SIK2: variants seen among roughly 807,000 people sequenced by gnomAD.
SIK2 encodes the protein serine/threonine-protein kinase SIK2.
In SIK2, 29 loss-of-function variants were observed where a neutral mutation model predicts 103.2. The observed-to-expected ratio is 0.28, with a 90% confidence interval of 0.21 to 0.38. The LOEUF is 0.38. Among genes scored for constraint, SIK2 ranks in the 10% least tolerant of loss-of-function variants. The pLI is 1.00. For synonymous variants in SIK2, 412 were observed against 446.1 expected, an observed-to-expected ratio of 0.92 and a Z score of 0.96; for missense variants, 879 against 1,171.0, an observed-to-expected ratio of 0.75 and a Z score of 3.64.
At chr11:111,691,705 T>A (rs1194042157) in intron 4 of SIK2, among the ~76,000 whole-genome samples, 1 of 152,188 alleles carries the variant, frequency 6.6e-6, no homozygotes, top group Non-Finnish European at 1.5e-5. Flanking sequence ...ATCTAAGCAC[T>A]CAAATTTTCT....
chr11:111,712,198 GCC>G lies in SIK2; in HGVS notation c.1102-12_1102-11del. ...TCATGTTCCCAAACTGTCTGTTCTT[GCC>G]ATATTTACAGGCACAGACTGTGGGG... On this transcript the variant is annotated splice_polypyrimidine_tract_variant and intron_variant, in intron 8 of 14. Transcript: ENST00000304987. 6.2e-7 allele frequency: 1 copy of G among 1,612,732 alleles called. No homozygotes were observed. The highest frequency in any genetic ancestry group is 8.5e-7 in the Non-Finnish European group (1 of 1,179,264).
chr11:111,635,575 A>G (rs1942099130), intron 3 of SIK2, among the ~76,000 whole-genome samples: 1 of 152,224 alleles, frequency 6.6e-6, no homozygotes, highest in Non-Finnish European at 1.5e-5. Flanking sequence ...TTGTCTGTAA[A>G]TCGAAGGAAA....
chr11:111,717,174 G>A (rs1275671058), intron 9 of SIK2, among the ~76,000 whole-genome samples: 1 of 151,922 alleles, frequency 6.6e-6, no homozygotes, highest in Non-Finnish European at 1.5e-5. Flanking sequence ...AAATTAGCCG[G>A]GCGTGGTGAT....
chr11:111,602,475 C>T lies in SIK2; in HGVS notation c.-89C>T. 7.5e-7 allele frequency: 1 copy of T among 1,325,630 alleles called. No homozygotes were observed. 82.1% of individuals were successfully genotyped at this position (1,325,630 alleles called of 1,614,324 possible). ...AGGAGCGAAGGAGCGAAGGAGCAAG[C>T]GGAGCGGCCGTCGCCCAAGCCAAGC... On this transcript the variant is annotated 5_prime_UTR_variant, in exon 1 of 15. Coordinates refer to ENST00000304987, the MANE Select transcript of SIK2 (RefSeq NM_015191.3). This position sits in a 1 kb window ranked among gnomAD's most constrained non-coding sequence, Gnocchi z 4.5.
chr11:111,622,693 G>A (rs1164124099), intron 3 of SIK2, among the ~76,000 whole-genome samples: 2 of 131,072 alleles, frequency 1.5e-5, no homozygotes, highest in African/African-American at 5.0e-5. Context: ...ATTCTAAATG[G>A]ACTTTTTTTC....
Position 111,729,283 on chromosome 11 carries a change from C to T in SIK2, c.*5154C>T, listed in dbSNP as rs970068563. ...CACACACTGGGGCACAGATAGAGAA[C>T]CAGGCGGCAGCAGTGCTCGCAGACC... is the stretch of plus-strand genomic sequence containing the variant. On this transcript the variant is annotated 3_prime_UTR_variant, in exon 15 of 15. Transcript: ENST00000304987. 6.6e-6 allele frequency: 1 copy of T among 152,324 alleles called. No homozygotes were observed. Among genetic ancestry groups the T allele is most frequent in the Non-Finnish European group, 1.5e-5 (1 of 68,128 alleles). 9.4% of individuals were successfully genotyped at this position (152,324 alleles called of 1,614,324 possible).
chr11:111,650,828 A>C (rs1942317327), intron 3 of SIK2, among the ~76,000 whole-genome samples: 1 of 152,136 alleles, frequency 6.6e-6, no homozygotes, highest in African/African-American at 2.4e-5. Flanking sequence ...CTAAAACCAA[A>C]GTGAGCTCTA....
intron 8 of SIK2, among the ~76,000 whole-genome samples, chr11:111,710,738 A>G (rs149394754): frequency 2.1e-4 from 32 of 152,346 alleles, no homozygotes; most frequent in African/African-American, 7.7e-4. Context: ...GTTGAAGAAG[A>G]TAAGTTTCAG....
rs191983215 is a variant in SIK2, at chr11:111,697,837, G to A, written c.479-3049G>A. On this transcript the variant is annotated intron_variant, in intron 4 of 14. Coordinates refer to ENST00000304987, the MANE Select transcript of SIK2 (RefSeq NM_015191.3). ...GAGACCTTGTCTCTACCCAAAAAAAGGAAAAGAAAAAAGGAAAAAAAAATT... is the reference window on the plus strand; with the variant it reads ...GAGACCTTGTCTCTACCCAAAAAAAAGAAAAGAAAAAAGGAAAAAAAAATT... Among the ~76,000 whole-genome samples the A allele has an allele frequency of 7.4e-3, 1,121 of 151,862 alleles. 8 individuals carry two copies. Among genetic ancestry groups the A allele is most frequent in the Middle Eastern group, 0.054 (16 of 294 alleles).
At position 111,719,819 on chromosome 11, in the gene SIK2, G is replaced by A; in HGVS notation, c.1311G>A (p.Arg437=). Residue 437 remains arginine, a synonymous_variant, in exon 10 of 15, where the codon CGG becomes CGA. Coordinates refer to ENST00000304987, the MANE Select transcript of SIK2 (RefSeq NM_015191.3). The stretch of plus-strand genomic sequence containing the variant: ...ACCCTGTGCCTCCTGTCCTGGTGCG[G>A]AAGGGATGCCAGTCACTGCCCAGCA... ...LLDPVPPVLV[R]KGCQSLPSNM... The A allele has an allele frequency of 3.1e-6, 5 of 1,614,142 alleles. No homozygotes were observed. Among genetic ancestry groups the A allele is most frequent in the Non-Finnish European group, 4.2e-6 (5 of 1,180,028 alleles).
At chr11:111,708,462 G>T in intron 8 of SIK2, among the ~76,000 whole-genome samples, 1 of 152,106 alleles carries the variant, frequency 6.6e-6, no homozygotes, top group East Asian at 1.9e-4. Context: ...TCTTAGATTT[G>T]GAGTGCTTAT....
Position 111,620,334 on chromosome 11 carries a change from A to T in SIK2, c.253-5A>T, listed in dbSNP as rs1941865850. On this transcript the variant is annotated splice_polypyrimidine_tract_variant and splice_region_variant and intron_variant, in intron 2 of 14. Coordinates refer to ENST00000304987, the MANE Select transcript of SIK2 (RefSeq NM_015191.3). ...TCAGACTAATATGGAATTATTTATC[A>T]ATAGGTAATGGAGACCAAAAGTATG... 4 of 1,553,956 alleles carry T rather than the reference A, an allele frequency of 2.6e-6. No homozygotes were observed. The African/African-American group carries it at 4.1e-5, about 16-fold the overall frequency.
At chr11:111,625,334 C>T (rs561675288) in intron 3 of SIK2, among the ~76,000 whole-genome samples, 5 of 152,040 alleles carry the variant, frequency 3.3e-5, no homozygotes, top group East Asian at 1.9e-4. Context: ...CAGCCCAGAC[C>T]GGGGAGTAGC....
chr11:111,653,719 T>C (rs958907688), intron 3 of SIK2, among the ~76,000 whole-genome samples: 5 of 152,208 alleles, frequency 3.3e-5, no homozygotes, highest in African/African-American at 9.6e-5. Flanking sequence ...TGCCAAAGAA[T>C]CTTATCGGAA....
chr11:111,723,369 C>A, intron 14 of SIK2, 127 bp from the exon 15 acceptor site: 1 of 1,033,858 alleles, frequency 9.7e-7, no homozygotes, highest in Non-Finnish European at 1.4e-6. Context: ...CCCATTCCCA[C>A]TTGTTTTTGC....
chr11:111,706,285 A>G (rs1218577776), intron 8 of SIK2, among the ~76,000 whole-genome samples: 1 of 152,208 alleles, frequency 6.6e-6, no homozygotes, highest in Non-Finnish European at 1.5e-5. Context: ...GGACAATATG[A>G]CTTAGAGATG....
Position 111,720,774 on chromosome 11 carries a change from C to T in SIK2, c.1780+12C>T, listed in dbSNP as rs777841376. 1.3e-6 allele frequency: 2 copies of T among 1,576,420 alleles called. No individual in the cohort carries two copies. The highest frequency in any genetic ancestry group is 1.8e-5 in the Admixed American group (1 of 54,992). On this transcript the variant is annotated intron_variant, in intron 11 of 14. Coordinates refer to ENST00000304987, the MANE Select transcript of SIK2 (RefSeq NM_015191.3). ...CTCCCTCACCCAGGGTGAGCACTTC[C>T]TCCTCTGCTTTTTGAAACTCGCGTC...
intron 1 of SIK2, among the ~76,000 whole-genome samples, chr11:111,607,540 T>G (rs772568594): frequency 8.5e-5 from 13 of 152,202 alleles, no homozygotes; most frequent in Admixed American, 3.3e-4. Context: ...AATCTTGTAC[T>G]GTGAAATATT....
At chr11:111,700,345 A>G (rs1943185232) in intron 4 of SIK2, among the ~76,000 whole-genome samples, 1 of 152,226 alleles carries the variant, frequency 6.6e-6, no homozygotes, top group Non-Finnish European at 1.5e-5. Context: ...TCAGATGGTT[A>G]TCTGCCTAAA....
Sources: allele counts gnomAD v4.1 joint callset (sites outside exome capture counted in the v4.1 genomes callset), GRCh38; gene constraint gnomAD v4.1.1; non-coding constraint Gnocchi (gnomAD v3.1); transcripts MANE v1.5; gene names NCBI Gene and HGNC (gene_info 2026-07-23, HGNC 2026-07-21).